The following INTS15 variants were observed in gnomAD, a reference collection of about 807,000 sequenced individuals.
INTS15 encodes uncharacterized protein C7orf26.
chr7:6,607,750 C>A, the INTS15 span: 2 of 1,495,208 alleles, frequency 1.3e-6, no homozygotes, highest in Admixed American at 4.3e-5. The surrounding 1 kb of genome is among the most constrained non-coding windows in gnomAD (Gnocchi z 6.0). Flanking sequence ...GGCCACAGGC[C>A]CCGTGCAGAG....
the INTS15 span, chr7:6,591,889 C>G: frequency 6.2e-7 from 1 of 1,602,688 alleles, no homozygotes; most frequent in Non-Finnish European, 8.5e-7. Context: ...GAGAGACCCT[C>G]GGCCGGGTGC....
At chr7:6,602,772 G>A in the INTS15 span, 1 of 471,060 alleles carries the variant, frequency 2.1e-6, no homozygotes, top group Non-Finnish European at 4.4e-6. Context: ...GGGAACTGTG[G>A]TCAGATTCTG....
chr7:6,604,144 C>T, the INTS15 span, among the ~76,000 whole-genome samples: 4 of 152,144 alleles, frequency 2.6e-5, no homozygotes, highest in African/African-American at 9.7e-5. Context: ...GGCACGATCT[C>T]GGCTCACTGC....
the INTS15 span, among the ~76,000 whole-genome samples, chr7:6,605,420 A>C: frequency 6.6e-6 from 1 of 152,034 alleles, no homozygotes; most frequent in Non-Finnish European, 1.5e-5. Flanking sequence ...CACCGCTTTT[A>C]TTTAACATTT....
chr7:6,596,654 C>G, the INTS15 span, among the ~76,000 whole-genome samples: 2 of 152,080 alleles, frequency 1.3e-5, no homozygotes, highest in African/African-American at 2.4e-5. Context: ...GCTGAGATTA[C>G]AGGTGTGAGC....
At chr7:6,590,709 A>C in the INTS15 span, among the ~76,000 whole-genome samples, 1 of 152,220 alleles carries the variant, frequency 6.6e-6, no homozygotes, top group African/African-American at 2.4e-5. Flanking sequence ...TTAAAGGGAC[A>C]AACTGGCGAC....
the INTS15 span, among the ~76,000 whole-genome samples, chr7:6,598,735 TTGTGTGTGTGTGTGTG>T: frequency 1.5e-3 from 128 of 83,622 alleles, no homozygotes; most frequent in Admixed American, 4.2e-3. Context: ...GCTGTATGCT[TTGTGTGTGTGTGTGTG>T]TGTGTGTGTG....
At chr7:6,608,320 C>T in the INTS15 span, 13 of 1,429,906 alleles carry the variant, frequency 9.1e-6, no homozygotes, top group East Asian at 2.6e-5. Context: ...GCTTCCCACC[C>T]GGTCGCATTC....
the INTS15 span, chr7:6,591,590 T>G: frequency 6.7e-7 from 1 of 1,499,798 alleles, no homozygotes; most frequent in Non-Finnish European, 9.3e-7. Flanking sequence ...AATGTATGAG[T>G]TAATAAGTAC....
chr7:6,600,053 A>G, the INTS15 span: 1 of 1,614,232 alleles, frequency 6.2e-7, no homozygotes, highest in Non-Finnish European at 8.5e-7. Context: ...CCATGTCAGC[A>G]ACAAGGTCAC....
the INTS15 span, chr7:6,591,805 G>T: frequency 6.2e-7 from 1 of 1,614,132 alleles, no homozygotes; most frequent in Non-Finnish European, 8.5e-7. Flanking sequence ...GGGAAAACTG[G>T]TCTCCATGGC....
chr7:6,608,072 G>GGCCCCCCCC, the INTS15 span: 9 of 1,580,420 alleles, frequency 5.7e-6, no homozygotes, highest in Non-Finnish European at 6.9e-6. Flanking sequence ...GGCTGTCCCG[G>GGCCCCCCCC]CCCACCCCGC....
the INTS15 span, chr7:6,608,169 C>G: frequency 1.3e-6 from 2 of 1,554,700 alleles, no homozygotes; most frequent in Non-Finnish European, 1.7e-6. Flanking sequence ...TAGGCTGGCC[C>G]GTGTGTGCCT....
the INTS15 span, among the ~76,000 whole-genome samples, chr7:6,596,776 C>A: frequency 7.2e-5 from 11 of 151,852 alleles, no homozygotes; most frequent in Non-Finnish European, 1.0e-4. Flanking sequence ...ACGCTAATTT[C>A]TTTCTTTCTT....
chr7:6,590,917 C>T, the INTS15 span, among the ~76,000 whole-genome samples: 1 of 151,548 alleles, frequency 6.6e-6, no homozygotes, highest in Non-Finnish European at 1.5e-5. Context: ...CAGCTCACTA[C>T]AACCTTGAAC....
the INTS15 span, among the ~76,000 whole-genome samples, chr7:6,606,568 G>A: frequency 6.6e-6 from 1 of 152,150 alleles, no homozygotes; most frequent in South Asian, 2.1e-4. Context: ...CAAGATCCTG[G>A]GGCAGGTCAG....
the INTS15 span, chr7:6,590,395 C>T: frequency 4.4e-6 from 7 of 1,606,642 alleles, no homozygotes; most frequent in African/African-American, 2.7e-5. Context: ...CGCGCCGCTG[C>T]CCATCGTGGA....
the INTS15 span, chr7:6,600,430 G>A: frequency 4.9e-6 from 7 of 1,421,554 alleles, no homozygotes; most frequent in Middle Eastern, 2.4e-4. Flanking sequence ...GGGGCTCCTG[G>A]ACAGACACTG....
the INTS15 span, among the ~76,000 whole-genome samples, chr7:6,592,562 G>T: frequency 1.3e-4 from 19 of 150,900 alleles, no homozygotes; most frequent in African/African-American, 4.1e-4. Context: ...GTGAGACTCA[G>T]TCTCAAAAAA....
Sources: gnomAD v4.1 joint callset for allele counts (sites outside exome capture counted in the v4.1 genomes callset) on GRCh38, gnomAD v4.1.1 for gene constraint, Gnocchi (gnomAD v3.1) non-coding constraint, MANE v1.5 for transcripts, NCBI Gene and HGNC (gene_info 2026-07-23, HGNC 2026-07-21) for gene names.